UBE2E2: variants seen among roughly 807,000 people sequenced by gnomAD.
The protein encoded by UBE2E2 is ubiquitin conjugating enzyme E2 E2.
A neutral mutation model predicts 24.7 loss-of-function variants in UBE2E2; 6 were observed. That is an observed-to-expected ratio of 0.24 (90% CI 0.13 to 0.48). The LOEUF is 0.48. Among genes scored for constraint, UBE2E2 ranks in the 20% least tolerant of loss-of-function variants. The pLI is 0.99. For missense variants in UBE2E2, 169 were observed against 245.0 expected (o/e 0.69, Z 2.07); for synonymous variants, 104 against 83.6 (o/e 1.24, Z -1.33).
At chr3:23,322,172 TC>T (rs1260025862) in intron 3 of UBE2E2, among the ~76,000 whole-genome samples, 1 of 152,222 alleles carries the variant, frequency 6.6e-6, no homozygotes, top group Non-Finnish European at 1.5e-5. Flanking sequence ...ACCAAAGTCT[TC>T]CTTTAGCTGG....
At chr3:23,220,818 G>T (rs1209517482) in intron 3 of UBE2E2, among the ~76,000 whole-genome samples, 1 of 152,148 alleles carries the variant, frequency 6.6e-6, no homozygotes, top group Non-Finnish European at 1.5e-5. Flanking sequence ...ATGACTACAG[G>T]TTGTAACTTT....
chr3:23,383,292 TAGAA>T (rs574565505), intron 3 of UBE2E2, among the ~76,000 whole-genome samples: 40 of 152,256 alleles, frequency 2.6e-4, no homozygotes, highest in African/African-American at 8.9e-4. Flanking sequence ...AAGACTGATG[TAGAA>T]ATGTTCAGTG....
intron 3 of UBE2E2, among the ~76,000 whole-genome samples, chr3:23,361,779 ACCAAAAACTACTTGCATCC>A (rs148448522): frequency 0.042 from 6,320 of 152,240 alleles, 452 homozygotes; most frequent in African/African-American, 0.14. Flanking sequence ...TATCCATGTA[ACCAAAAACTACTTGCATCC>A]CCAAAAACTA....
chr3:23,526,638 A>G (rs984239496), intron 4 of UBE2E2, among the ~76,000 whole-genome samples: 6 of 152,230 alleles, frequency 3.9e-5, no homozygotes, highest in East Asian at 1.9e-4. Context: ...TTACATTTCA[A>G]TAGATAAACA....
intron 3 of UBE2E2, among the ~76,000 whole-genome samples, chr3:23,357,924 G>A (rs913919295): frequency 2.0e-5 from 3 of 152,092 alleles, no homozygotes; most frequent in Non-Finnish European, 4.4e-5. Context: ...CTGCAGCCTC[G>A]ACCTCGTCAA....
intron 3 of UBE2E2, among the ~76,000 whole-genome samples, chr3:23,379,010 A>C (rs1575594844): frequency 6.6e-6 from 1 of 152,290 alleles, no homozygotes; most frequent in South Asian, 2.1e-4. Context: ...TATACTTCTC[A>C]GTGACTGAAG....
chr3:23,580,528 G>A (rs1463915480), intron 5 of UBE2E2, among the ~76,000 whole-genome samples: 4 of 152,266 alleles, frequency 2.6e-5, no homozygotes, highest in South Asian at 2.1e-4. Flanking sequence ...GTATAAACAC[G>A]CACTGGGAAA....
intron 3 of UBE2E2, among the ~76,000 whole-genome samples, chr3:23,371,892 T>C (rs1412322927): frequency 2.0e-5 from 3 of 151,962 alleles, no homozygotes; most frequent in Non-Finnish European, 4.4e-5. Flanking sequence ...CCAAGGCGGG[T>C]GGATCATTTG....
intron 3 of UBE2E2, among the ~76,000 whole-genome samples, chr3:23,452,151 G>A (rs1006966359): frequency 6.6e-6 from 1 of 152,176 alleles, no homozygotes; most frequent in Admixed American, 6.5e-5. Context: ...AATTGTTGCA[G>A]CTGGAATATG....
chr3:23,383,038 G>T (rs1369473431), intron 3 of UBE2E2, among the ~76,000 whole-genome samples: 1 of 152,164 alleles, frequency 6.6e-6, no homozygotes, highest in East Asian at 1.9e-4. Context: ...ACATTTTCCA[G>T]TTGAGTTTTA....
chr3:23,467,056 C>T (rs1289208098), intron 3 of UBE2E2, among the ~76,000 whole-genome samples: 7 of 152,150 alleles, frequency 4.6e-5, no homozygotes, highest in Admixed American at 3.3e-4. Context: ...AACCCCAAAG[C>T]TGTTTCTCCC....
chr3:23,275,602 A>C (rs771874153), intron 3 of UBE2E2, among the ~76,000 whole-genome samples: 47 of 152,208 alleles, frequency 3.1e-4, no homozygotes, highest in Non-Finnish European at 5.3e-4. Context: ...GGGTTTGTAA[A>C]GTATGAAATT....
chr3:23,260,058 T>C (rs920196534), intron 3 of UBE2E2, among the ~76,000 whole-genome samples: 1 of 152,242 alleles, frequency 6.6e-6, no homozygotes, highest in African/African-American at 2.4e-5. Context: ...GGTTTATCTT[T>C]TTGATTCATC....
intron 4 of UBE2E2, among the ~76,000 whole-genome samples, chr3:23,503,174 G>GTT (rs1364737206): frequency 7.3e-6 from 1 of 136,574 alleles, no homozygotes; most frequent in African/African-American, 2.8e-5. Context: ...CATTTGGTTG[G>GTT]TTGGTTTTTG....
rs764908225 is a variant in UBE2E2 at position 23,342,870 on chromosome 3, A to G, written c.227+125558A>G. Among the ~76,000 whole-genome samples, 3 of 152,108 alleles carry G rather than the reference A, an allele frequency of 2.0e-5. No homozygotes were observed. The East Asian group carries it at 5.8e-4, about 29-fold the overall frequency. On this transcript the variant is annotated intron_variant, in intron 3 of 5. Transcript: ENST00000396703. ...ATAGCTGTGGAAAATTATTGCAACC[A>G]AACTATTGAAACCATTCTTAAAGTT...
intron 3 of UBE2E2, among the ~76,000 whole-genome samples, chr3:23,300,326 A>T (rs549281494): frequency 6.6e-6 from 1 of 152,230 alleles, no homozygotes; most frequent in African/African-American, 2.4e-5. Flanking sequence ...TCCTGTCATT[A>T]TGATGTTAGC....
chr3:23,552,900 C>T (rs1035598560), intron 5 of UBE2E2, among the ~76,000 whole-genome samples: 1 of 152,150 alleles, frequency 6.6e-6, no homozygotes, highest in Non-Finnish European at 1.5e-5. Flanking sequence ...AAACTACCAA[C>T]ATGTGTATAG....
chr3:23,249,478 G>C (rs970661055), intron 3 of UBE2E2, among the ~76,000 whole-genome samples: 1 of 152,118 alleles, frequency 6.6e-6, no homozygotes, highest in Admixed American at 6.5e-5. Context: ...ATGTTTTCCA[G>C]ATACTAAAAA....
intron 3 of UBE2E2, 88 bp from the exon 4 acceptor site, chr3:23,499,520 T>G: frequency 6.7e-7 from 1 of 1,488,116 alleles, no homozygotes; most frequent in Non-Finnish European, 9.0e-7. Flanking sequence ...TTTATGGAAT[T>G]GCTCAATTGG....
Sources: gnomAD v4.1 joint callset for allele counts (sites outside exome capture counted in the v4.1 genomes callset) on GRCh38, gnomAD v4.1.1 for gene constraint, MANE v1.5 for transcripts, NCBI Gene and HGNC (gene_info 2026-07-23, HGNC 2026-07-21) for gene names.